GRIK1: variants seen among roughly 807,000 people sequenced by gnomAD.
The protein encoded by GRIK1 is glutamate ionotropic receptor kainate type subunit 1, also known as glutamate receptor ionotropic, kainate 1.
Under a neutral mutation model 105.7 loss-of-function variants are expected in GRIK1, and 69 were observed. The observed-to-expected ratio is 0.65, with a 90% confidence interval of 0.54 to 0.80. The LOEUF is 0.80. GRIK1 is among the 30% of genes least tolerant of loss of function. The pLI, the probability that GRIK1 is intolerant of heterozygous loss-of-function variation, is 0.00. For missense variants in GRIK1, 1,109 were observed against 1,167.3 expected (o/e 0.95, Z 0.73); for synonymous variants, 438 against 431.3 (o/e 1.02, Z -0.19).
chr21:29,844,922 G>A (rs955609451), intron 1 of GRIK1, among the ~76,000 whole-genome samples: 1 of 152,088 alleles, frequency 6.6e-6, no homozygotes, highest in Admixed American at 6.6e-5. Flanking sequence ...ATACCAGAAG[G>A]GGAATTCAGG....
At position 29,637,428 on chromosome 21, in the gene GRIK1, G is replaced by T. The variant is rs185540099; in HGVS notation, c.1098+5398C>A. ...CCCAGACTGACCTGAGAAGCAGCTT[G>T]CTATGGTATTCTGGTAGCTCATGCT... On this transcript the variant is annotated intron_variant, in intron 7 of 17. Transcript: ENST00000327783. Among the ~76,000 whole-genome samples, 134 of 152,322 alleles carry T rather than the reference G, an allele frequency of 8.8e-4. 4 individuals carry two copies. The South Asian group carries it at 0.027, about 30-fold the overall frequency.
chr21:29,845,191 C>G (rs1438897456), intron 1 of GRIK1, among the ~76,000 whole-genome samples: 1 of 150,456 alleles, frequency 6.6e-6, no homozygotes, highest in East Asian at 1.9e-4. Context: ...CTTTTTTTTT[C>G]TTTATATTCT....
At chr21:29,817,600 G>A (rs1277188033) in intron 1 of GRIK1, among the ~76,000 whole-genome samples, 1 of 151,788 alleles carries the variant, frequency 6.6e-6, no homozygotes. Context: ...CCCCTTTCTC[G>A]AGCTGCTGTC....
intron 14 of GRIK1, among the ~76,000 whole-genome samples, chr21:29,563,388 C>T (rs1568821138): frequency 6.6e-6 from 1 of 152,112 alleles, no homozygotes; most frequent in Non-Finnish European, 1.5e-5. Flanking sequence ...CATTGAAAAT[C>T]CCCCTGAGAA....
intron 1 of GRIK1, among the ~76,000 whole-genome samples, chr21:29,868,528 C>T (rs887022727): frequency 7.2e-5 from 11 of 151,782 alleles, no homozygotes; most frequent in African/African-American, 2.7e-4. Flanking sequence ...CACCTACTTC[C>T]TGGCTTTTTT....
At chr21:29,849,769 C>A (rs1249699631) in intron 1 of GRIK1, among the ~76,000 whole-genome samples, 1 of 152,178 alleles carries the variant, frequency 6.6e-6, no homozygotes, top group African/African-American at 2.4e-5. Flanking sequence ...AAAGCTGGCA[C>A]ATTTCAAGTG....
At chr21:29,558,980 A>G (rs1458232897) in intron 15 of GRIK1, among the ~76,000 whole-genome samples, 1 of 152,160 alleles carries the variant, frequency 6.6e-6, no homozygotes, top group African/African-American at 2.4e-5. Flanking sequence ...CTTAGGAGAG[A>G]TGATACACAT....
intron 3 of GRIK1, among the ~76,000 whole-genome samples, chr21:29,677,004 G>A (rs559766263): frequency 6.6e-6 from 1 of 152,206 alleles, no homozygotes; most frequent in Non-Finnish European, 1.5e-5. Flanking sequence ...ATCTTAGTGT[G>A]GTTATAACGA....
At chr21:29,658,541 C>A (rs1174902151) in intron 4 of GRIK1, among the ~76,000 whole-genome samples, 1 of 152,186 alleles carries the variant, frequency 6.6e-6, no homozygotes, top group African/African-American at 2.4e-5. Context: ...GGATCACAGG[C>A]GTGAGCCACT....
chr21:29,701,949 C>T (rs2832429), intron 1 of GRIK1, among the ~76,000 whole-genome samples: 2,708 of 152,264 alleles, frequency 0.018, 102 homozygotes, highest in East Asian at 0.1. Context: ...AGACGAGGAA[C>T]GATGCAGGAG....
chr21:29,840,710 G>A (rs2067953440), intron 1 of GRIK1, among the ~76,000 whole-genome samples: 1 of 152,122 alleles, frequency 6.6e-6, no homozygotes, highest in South Asian at 2.1e-4. Flanking sequence ...TTTTTACACT[G>A]TGTCTGAACA....
chr21:29,929,213 T>C (rs2146351777), intron 1 of GRIK1, among the ~76,000 whole-genome samples: 1 of 152,306 alleles, frequency 6.6e-6, no homozygotes, highest in East Asian at 1.9e-4. Flanking sequence ...TTATGTGACA[T>C]GGCCAAGCTA....
chr21:29,630,723 A>G (rs1297833686), intron 7 of GRIK1: 1 of 384,504 alleles, frequency 2.6e-6, no homozygotes, highest in Non-Finnish European at 5.2e-6. Context: ...AAACTGAGAT[A>G]ATAAATGATT....
intron 7 of GRIK1, among the ~76,000 whole-genome samples, chr21:29,628,521 C>T (rs1275656302): frequency 1.3e-5 from 2 of 152,188 alleles, no homozygotes; most frequent in African/African-American, 4.8e-5. Context: ...TCTGGGTAAA[C>T]TGGTTTTTAT....
At chr21:29,741,438 G>A (rs80224354) in intron 1 of GRIK1, among the ~76,000 whole-genome samples, 9,497 of 151,980 alleles carry the variant, frequency 0.062, 344 homozygotes, top group African/African-American at 0.08. Context: ...ATGGTGGGGG[G>A]CATTTCTGAA....
chr21:29,789,600 G>C (rs4817311), intron 1 of GRIK1, among the ~76,000 whole-genome samples: 1 of 152,050 alleles, frequency 6.6e-6, no homozygotes, highest in Non-Finnish European at 1.5e-5. Context: ...CATACCTCAC[G>C]GAGTAAGCAT....
intron 1 of GRIK1, among the ~76,000 whole-genome samples, chr21:29,779,591 C>T (rs2066035249): frequency 6.6e-6 from 1 of 151,802 alleles, no homozygotes; most frequent in Non-Finnish European, 1.5e-5. Context: ...GACTTTAGGT[C>T]AATTGAAGAG....
intron 7 of GRIK1, among the ~76,000 whole-genome samples, chr21:29,638,601 A>G (rs2062446354): frequency 6.6e-6 from 1 of 152,198 alleles, no homozygotes. Context: ...TCACATAAAT[A>G]TGTCAAAGAA....
At position 29,757,571 on chromosome 21, in the gene GRIK1, C is replaced by T. The variant is rs532100762; in HGVS notation, c.119-63508G>A. Among the ~76,000 whole-genome samples the T allele has an allele frequency of 1.4e-4, 22 of 152,226 alleles. No individual in the cohort carries two copies. The South Asian group carries it at 4.1e-3, about 29-fold the overall frequency. On this transcript the variant is annotated intron_variant, in intron 1 of 17. Transcript: ENST00000327783. ...TGACTAAATTTTTTCCTAATAAATA[C>T]CTGCTTAAAAGATTGTCGGCATGAG...
Sources: allele counts gnomAD v4.1 joint callset (sites outside exome capture counted in the v4.1 genomes callset), GRCh38; gene constraint gnomAD v4.1.1; transcripts MANE v1.5; gene names NCBI Gene and HGNC (gene_info 2026-07-23, HGNC 2026-07-21).